SLC35F3: variants seen among roughly 807,000 people sequenced by gnomAD.
SLC35F3 encodes the protein solute carrier family 35 member F3.
A neutral mutation model predicts 49.9 loss-of-function variants in SLC35F3; 25 were observed. The ratio of observed to expected loss-of-function variants is 0.50; its 90% CI spans 0.37 to 0.70. SLC35F3 has a LOEUF of 0.70. SLC35F3 is among the 30% of genes least tolerant of loss of function. The pLI is 0.00. For missense variants in SLC35F3, 525 were observed against 639.8 expected, an observed-to-expected ratio of 0.82 and a Z score of 1.94; for synonymous variants, 275 against 265.4, an observed-to-expected ratio of 1.04 and a Z score of -0.35.
chr1:234,033,894 T>A (rs1664102907), intron 2 of SLC35F3, among the ~76,000 whole-genome samples: 1 of 152,218 alleles, frequency 6.6e-6, no homozygotes, highest in Admixed American at 6.5e-5. Context: ...CTGTGAAGAA[T>A]GACAATGGTG....
chr1:234,265,092 A>G (rs1042835742), intron 3 of SLC35F3, among the ~76,000 whole-genome samples: 1 of 152,094 alleles, frequency 6.6e-6, no homozygotes, highest in African/African-American at 2.4e-5. Context: ...CTCCCTGATG[A>G]TGACCCCCAG....
intron 2 of SLC35F3, among the ~76,000 whole-genome samples, chr1:233,942,731 A>G (rs1662449107): frequency 6.6e-6 from 1 of 152,176 alleles, no homozygotes; most frequent in South Asian, 2.1e-4. Context: ...CCCTTTTAAC[A>G]AATGTTTAAG....
chr1:234,300,312 C>G (rs189045060), intron 3 of SLC35F3, among the ~76,000 whole-genome samples: 1 of 152,252 alleles, frequency 6.6e-6, no homozygotes, highest in Admixed American at 6.5e-5. Context: ...AATTCTTGGC[C>G]CCTCACTGGA....
At chr1:234,304,602 C>T (rs535133153) in intron 3 of SLC35F3, among the ~76,000 whole-genome samples, 1 of 152,282 alleles carries the variant, frequency 6.6e-6, no homozygotes, top group South Asian at 2.1e-4. Context: ...TTTAGTCCTT[C>T]GGTTCAGCTC....
At chr1:233,921,857 T>C (rs1411094930) in intron 2 of SLC35F3, among the ~76,000 whole-genome samples, 1 of 134,928 alleles carries the variant, frequency 7.4e-6, no homozygotes. Flanking sequence ...CAAGTGTCCA[T>C]TGTTCAATTC....
In SLC35F3 at chr1:233,951,779, A is replaced by G. The variant is rs149050317; in HGVS notation, c.283+46021A>G. The stretch of plus-strand genomic sequence containing the variant: ...TTTGAGAGAGAGATGGGGTCTCACT[A>G]TGTTGCCCAGGCTGATTCCTGGGCT... On this transcript the variant is annotated intron_variant, in intron 2 of 7. Coordinates refer to ENST00000366618, the MANE Select transcript of SLC35F3 (RefSeq NM_173508.4). Among the ~76,000 whole-genome samples the G allele has an allele frequency of 1.9e-3, 288 of 152,000 alleles. 2 individuals carry two copies. Among genetic ancestry groups the G allele is most frequent in the African/African-American group, 6.4e-3 (265 of 41,412 alleles).
intron 4 of SLC35F3, among the ~76,000 whole-genome samples, chr1:234,313,864 T>C (rs1210579147): frequency 6.6e-6 from 1 of 152,180 alleles, no homozygotes; most frequent in Non-Finnish European, 1.5e-5. Flanking sequence ...ATGTAACATA[T>C]GTGCATACTT....
intron 2 of SLC35F3, among the ~76,000 whole-genome samples, chr1:234,182,943 T>A (rs1045256887): frequency 2.8e-5 from 4 of 144,216 alleles, no homozygotes; most frequent in African/African-American, 9.7e-5. Context: ...CTTTTCTATA[T>A]TAGGGATATT....
chr1:233,998,664 T>G (rs1663501705), intron 2 of SLC35F3, among the ~76,000 whole-genome samples: 1 of 152,050 alleles, frequency 6.6e-6, no homozygotes, highest in Non-Finnish European at 1.5e-5. Flanking sequence ...CACATGGGAC[T>G]GCTAAGCGCC....
At chr1:234,203,555 A>G (rs547501074) in intron 2 of SLC35F3, among the ~76,000 whole-genome samples, 42 of 152,302 alleles carry the variant, frequency 2.8e-4, no homozygotes, top group African/African-American at 9.6e-4. Flanking sequence ...TACTAAAAAT[A>G]GAAAAATTAG....
chr1:234,083,179 A>C (rs17511542), intron 2 of SLC35F3, among the ~76,000 whole-genome samples: 3,070 of 152,312 alleles, frequency 0.02, 31 homozygotes, highest in Non-Finnish European at 0.032. Flanking sequence ...GTTGTCTTCA[A>C]AACTGCAACT....
At chr1:234,029,054 A>G (rs555308001) in intron 2 of SLC35F3, among the ~76,000 whole-genome samples, 1 of 152,352 alleles carries the variant, frequency 6.6e-6, no homozygotes, top group African/African-American at 2.4e-5. Flanking sequence ...AAATTTACTT[A>G]TAAATAACAT....
chr1:233,985,231 G>A (rs1267978130), intron 2 of SLC35F3, among the ~76,000 whole-genome samples: 1 of 152,182 alleles, frequency 6.6e-6, no homozygotes, highest in Non-Finnish European at 1.5e-5. Context: ...TTCCAGATGA[G>A]ATTCTCCCTT....
At chr1:234,159,195 C>A (rs1291321129) in intron 2 of SLC35F3, among the ~76,000 whole-genome samples, 1 of 152,048 alleles carries the variant, frequency 6.6e-6, no homozygotes, top group Non-Finnish European at 1.5e-5. Context: ...AGACCTAAAC[C>A]CACGCATGCC....
intron 2 of SLC35F3, among the ~76,000 whole-genome samples, chr1:234,079,658 C>T (rs1664845717): frequency 6.6e-6 from 1 of 152,172 alleles, no homozygotes; most frequent in Non-Finnish European, 1.5e-5. Context: ...AAATGTCTAA[C>T]ATCATTCATT....
chr1:234,296,235 T>C (rs1410822128), intron 3 of SLC35F3, among the ~76,000 whole-genome samples: 1 of 152,090 alleles, frequency 6.6e-6, no homozygotes, highest in Non-Finnish European at 1.5e-5. Flanking sequence ...AGAGCCCATC[T>C]CCAGCTTGCT....
chr1:234,314,588 C>A (rs542446595), intron 4 of SLC35F3, among the ~76,000 whole-genome samples: 1 of 152,270 alleles, frequency 6.6e-6, no homozygotes, highest in African/African-American at 2.4e-5. Flanking sequence ...TGGTGAAACC[C>A]CGTCTCTACT....
intron 7 of SLC35F3, among the ~76,000 whole-genome samples, chr1:234,321,819 T>C (rs1336174062): frequency 6.6e-6 from 1 of 152,172 alleles, no homozygotes; most frequent in Non-Finnish European, 1.5e-5. Flanking sequence ...CCCCGACATC[T>C]GCTCAAGGGA....
intron 3 of SLC35F3, among the ~76,000 whole-genome samples, chr1:234,301,116 G>A (rs906010889): frequency 3.9e-5 from 6 of 152,198 alleles, no homozygotes; most frequent in African/African-American, 9.7e-5. Flanking sequence ...GAATGTCCAG[G>A]CAAGGGTGGT....
Sources: gnomAD v4.1 joint callset for allele counts (sites outside exome capture counted in the v4.1 genomes callset) on GRCh38, gnomAD v4.1.1 for gene constraint, MANE v1.5 for transcripts, NCBI Gene and HGNC (gene_info 2026-07-23, HGNC 2026-07-21) for gene names.